Variants in FHOD3 observed in about 807,000 individuals in gnomAD.
FHOD3 encodes formin homology 2 domain containing 3.
A neutral mutation model predicts 173.0 loss-of-function variants in FHOD3; 90 were observed. The ratio of observed to expected loss-of-function variants is 0.52; its 90% CI spans 0.44 to 0.62. FHOD3 has a LOEUF of 0.62. Ranked by LOEUF, FHOD3 falls within the 20% of genes least tolerant of loss-of-function variation. The pLI is 0.00. For synonymous variants in FHOD3, 828 were observed against 823.0 expected, an observed-to-expected ratio of 1.01 and a Z score of -0.10; for missense variants, 1,945 against 2,034.7, an observed-to-expected ratio of 0.96 and a Z score of 0.85.
chr18:36,444,363 C>T (rs1318132260), intron 3 of FHOD3, among the ~76,000 whole-genome samples: 1 of 151,920 alleles, frequency 6.6e-6, no homozygotes, highest in African/African-American at 2.4e-5. Context: ...GAGTATGTTA[C>T]TTCTCATACT....
chr18:36,444,192 C>CAAAA (rs71168225), intron 3 of FHOD3, among the ~76,000 whole-genome samples: 3 of 87,996 alleles, frequency 3.4e-5, no homozygotes, highest in African/African-American at 4.7e-5. Context: ...GACTCCGTCT[C>CAAAA]AAAAAAAAAA....
intron 3 of FHOD3, among the ~76,000 whole-genome samples, chr18:36,415,783 C>T (rs1203611279): frequency 6.6e-6 from 1 of 152,190 alleles, no homozygotes; most frequent in Non-Finnish European, 1.5e-5. Context: ...CAGACATTTT[C>T]ATTCCATTGG....
chr18:36,380,571 T>TCCTTTCCTTTCCTTTC (rs1568196172), intron 3 of FHOD3, among the ~76,000 whole-genome samples: 1 of 117,256 alleles, frequency 8.5e-6, no homozygotes, highest in African/African-American at 3.6e-5. Context: ...TCTTTTCTTT[T>TCCTTTCCTTTCCTTTC]CTTTTCTTTT....
At chr18:36,707,180 C>T (rs1340972072) in intron 17 of FHOD3, among the ~76,000 whole-genome samples, 1 of 152,192 alleles carries the variant, frequency 6.6e-6, no homozygotes, top group East Asian at 1.9e-4. Flanking sequence ...AACTGCCACC[C>T]ATGAATCTCT....
At chr18:36,369,409 ATGG>A (rs1427880402) in intron 2 of FHOD3, among the ~76,000 whole-genome samples, 1 of 142,372 alleles carries the variant, frequency 7.0e-6, no homozygotes, top group East Asian at 2.4e-4. Flanking sequence ...AAGGGATCTT[ATGG>A]TGGATGTCCT....
intron 5 of FHOD3, among the ~76,000 whole-genome samples, chr18:36,515,529 T>C (rs2055922694): frequency 6.6e-6 from 1 of 152,208 alleles, no homozygotes; most frequent in South Asian, 2.1e-4. Flanking sequence ...AGCCATTTAT[T>C]TTGCAGTGTT....
intron 9 of FHOD3, among the ~76,000 whole-genome samples, chr18:36,618,513 T>C (rs1381240244): frequency 2.0e-5 from 3 of 152,066 alleles, no homozygotes; most frequent in Non-Finnish European, 4.4e-5. Flanking sequence ...GGTTTCTCCA[T>C]GTTGGTTGGG....
At chr18:36,303,697 A>G (rs1330597218) in intron 1 of FHOD3, among the ~76,000 whole-genome samples, 1 of 151,618 alleles carries the variant, frequency 6.6e-6, no homozygotes, top group South Asian at 2.1e-4. Context: ...TTCTGTCTTC[A>G]GAGGACAGCA....
intron 3 of FHOD3, among the ~76,000 whole-genome samples, chr18:36,400,876 G>A (rs557199039): frequency 1.3e-5 from 2 of 152,332 alleles, no homozygotes; most frequent in South Asian, 4.2e-4. Context: ...AAGAAAAAAA[G>A]GATCAGGATG....
chr18:36,312,219 A>T (rs76501306), intron 1 of FHOD3, among the ~76,000 whole-genome samples: 1 of 152,088 alleles, frequency 6.6e-6, no homozygotes, highest in African/African-American at 2.4e-5. Context: ...GTTCTGTTTG[A>T]TGGTGCGGTA....
At chr18:36,711,227 T>C (rs990420043) in intron 18 of FHOD3, 2 of 152,258 alleles carry the variant, frequency 1.3e-5, no homozygotes, top group African/African-American at 4.8e-5. Context: ...TCAGCCACTG[T>C]GGAGTCCGGG....
rs758000028 is a variant in FHOD3 at position 36,693,205 on chromosome 18, T to A, written c.2022-4T>A. 3 of 1,611,670 alleles carry A rather than the reference T, an allele frequency of 1.9e-6. No homozygotes were observed. Among genetic ancestry groups the A allele is most frequent in the Middle Eastern group, 3.4e-4 (2 of 5,834 alleles). ...ACGGAAACCCTTTGGAATTTAACTT[T>A]CAGATACAAATACTTGGAACAGTTG... On this transcript the variant is annotated splice_polypyrimidine_tract_variant and splice_region_variant and intron_variant, in intron 16 of 28. Coordinates refer to ENST00000590592, the MANE Select transcript of FHOD3 (RefSeq NM_001281740.3).
rs1032790691 is a variant in FHOD3, at chr18:36,678,917, G to A, written c.1836-2519G>A. Among the ~76,000 whole-genome samples, 4 of 138,266 alleles carry A rather than the reference G, an allele frequency of 2.9e-5. No individual in the cohort carries two copies. In the East Asian group the frequency reaches 6.4e-4, roughly 22 times the overall value. The allele number at this position is 138,266 out of a possible 152,430, so 90.7% of individuals were successfully genotyped here. On this transcript the variant is annotated intron_variant, in intron 14 of 28. Transcript: ENST00000590592. Reference sequence around the variant, plus strand: ...GTTCTTATCTGGCTTTAGTGTCAGAGTAATATGAATCATGTAAAATGGGTT... The same window carrying A: ...GTTCTTATCTGGCTTTAGTGTCAGAATAATATGAATCATGTAAAATGGGTT...
intron 3 of FHOD3, among the ~76,000 whole-genome samples, chr18:36,379,304 C>A (rs1217848028): frequency 6.6e-6 from 1 of 152,206 alleles, no homozygotes; most frequent in Admixed American, 6.5e-5. Context: ...AATTGAATCA[C>A]AGGAAAGAAA....
intron 9 of FHOD3, among the ~76,000 whole-genome samples, chr18:36,625,138 C>T (rs897601374): frequency 5.3e-5 from 8 of 152,112 alleles, no homozygotes; most frequent in African/African-American, 1.9e-4. Flanking sequence ...GAGATTCAGG[C>T]TCATGGAGCA....
chr18:36,319,439 A>G (rs531481756), intron 1 of FHOD3, among the ~76,000 whole-genome samples: 3 of 152,364 alleles, frequency 2.0e-5, no homozygotes, highest in Admixed American at 6.5e-5. Flanking sequence ...AGAGCAAACT[A>G]TCCTAAATAT....
intron 10 of FHOD3, among the ~76,000 whole-genome samples, chr18:36,641,224 G>A (rs970473286): frequency 8.5e-5 from 13 of 152,162 alleles, no homozygotes; most frequent in Admixed American, 2.0e-4. Context: ...CTCTAGTCAG[G>A]AAAAATGGCT....
In FHOD3 at chr18:36,717,848, T is replaced by A. The variant is rs2040545564; in HGVS notation, c.2550T>A (p.Gly850=). The A allele has an allele frequency of 6.3e-7, 1 of 1,578,302 alleles. No individual in the cohort carries two copies. Among genetic ancestry groups the A allele is most frequent in the Non-Finnish European group, 8.6e-7 (1 of 1,160,600 alleles). Residue 850 remains glycine (G), a synonymous_variant, in exon 19 of 29, where the codon GGT becomes GGA. Transcript: ENST00000590592. ...RDRTTGLWPA[G]VQDAGVNGQC... is the part of the protein sequence containing the mutation. ...TACTTTCAGGTTTGTGGCCCGCAGGTGTCCAGGATGCAGGTGTAAATGGAC... is the reference window on the plus strand; with the variant it reads ...TACTTTCAGGTTTGTGGCCCGCAGGAGTCCAGGATGCAGGTGTAAATGGAC...
chr18:36,589,867 A>G (rs182443408), intron 6 of FHOD3, among the ~76,000 whole-genome samples: 2 of 152,176 alleles, frequency 1.3e-5, no homozygotes, highest in East Asian at 3.9e-4. Context: ...ATCAATTCCA[A>G]TTGATTTCTC....
Sources: allele counts gnomAD v4.1 joint callset (sites outside exome capture counted in the v4.1 genomes callset), GRCh38; gene constraint gnomAD v4.1.1; transcripts MANE v1.5; gene names NCBI Gene and HGNC (gene_info 2026-07-23, HGNC 2026-07-21).